SDK1: variants seen among roughly 807,000 people sequenced by gnomAD.
The protein encoded by SDK1 is protein sidekick-1.
SDK1 carries 157 observed loss-of-function variants against 245.5 expected under a neutral mutation model. The ratio of observed to expected loss-of-function variants is 0.64; its 90% CI spans 0.56 to 0.73. The LOEUF (loss-of-function observed/expected upper bound fraction) is 0.73. Among genes scored for constraint, SDK1 ranks in the 30% least tolerant of loss-of-function variants. SDK1 has a pLI of 0.00. For synonymous variants in SDK1, 1,647 were observed against 1,278.5 expected (o/e 1.29, Z -6.15); for missense variants, 3,583 against 3,002.3 (o/e 1.19, Z -4.52).
At chr7:4,140,653 ACTGTGTG>A (rs1322350149) in intron 28 of SDK1, among the ~76,000 whole-genome samples, 1 of 152,152 alleles carries the variant, frequency 6.6e-6, no homozygotes, top group Non-Finnish European at 1.5e-5. Flanking sequence ...TGCCCTGTTT[ACTGTGTG>A]CTCGTGGGCA....
chr7:3,945,798 C>G (rs762655238), intron 5 of SDK1, among the ~76,000 whole-genome samples: 1 of 144,750 alleles, frequency 6.9e-6, no homozygotes, highest in African/African-American at 2.5e-5. Flanking sequence ...ACCCAGGAGG[C>G]TGAGGCAGGA....
At chr7:3,553,999 G>T (rs13307114) in intron 1 of SDK1, among the ~76,000 whole-genome samples, 4 of 152,148 alleles carry the variant, frequency 2.6e-5, no homozygotes, top group Middle Eastern at 3.2e-3. Context: ...TGGAACCATA[G>T]CCCACAAAAG....
chr7:3,748,576 C>T (rs1022140894), intron 4 of SDK1, among the ~76,000 whole-genome samples: 1 of 152,176 alleles, frequency 6.6e-6, no homozygotes, highest in Admixed American at 6.5e-5. Flanking sequence ...TATTCAGTCA[C>T]ATGGATCTGG....
At chr7:4,040,169 G>A (rs1195112521) in intron 17 of SDK1, among the ~76,000 whole-genome samples, 1 of 152,164 alleles carries the variant, frequency 6.6e-6, no homozygotes, top group East Asian at 1.9e-4. Flanking sequence ...GGGTAATGAG[G>A]CGTGTTCTGA....
chr7:3,877,122 G>A (rs1030450271), intron 5 of SDK1, among the ~76,000 whole-genome samples: 1 of 152,148 alleles, frequency 6.6e-6, no homozygotes, highest in Non-Finnish European at 1.5e-5. Flanking sequence ...TACAAATTCT[G>A]GCTAGGAACA....
At chr7:3,550,242 AT>A (rs1270916704) in intron 1 of SDK1, among the ~76,000 whole-genome samples, 2 of 152,172 alleles carry the variant, frequency 1.3e-5, no homozygotes, top group East Asian at 1.9e-4. Flanking sequence ...GAGGCTGCAA[AT>A]TTAGGCATTT....
chr7:3,396,155 C>T (rs1781891395), intron 1 of SDK1, among the ~76,000 whole-genome samples: 1 of 151,602 alleles, frequency 6.6e-6, no homozygotes, highest in Non-Finnish European at 1.5e-5. Flanking sequence ...AGTTGTATTT[C>T]TATTATTCAG....
At chr7:4,054,441 T>C (rs749904632) in intron 19 of SDK1, among the ~76,000 whole-genome samples, 4 of 152,332 alleles carry the variant, frequency 2.6e-5, no homozygotes, top group Non-Finnish European at 4.4e-5. Context: ...TTTTTTTCTC[T>C]TTTGTGCATA....
At chr7:3,768,117 T>A (rs997740754) in intron 4 of SDK1, among the ~76,000 whole-genome samples, 2 of 152,242 alleles carry the variant, frequency 1.3e-5, no homozygotes, top group Admixed American at 1.3e-4. Flanking sequence ...TTAGGGATGG[T>A]CATTAACGTG....
In SDK1 at chr7:4,128,480, C is replaced by T. The variant is rs376247034; in HGVS notation, c.3939+984C>T. On this transcript the variant is annotated intron_variant, in intron 26 of 44. Transcript: ENST00000404826. ...TATCCTTTATGGCCTTCCAGGTCCC[C>T]GATCTCAGGGAGCAGTTCAGAGAAG... Among the ~76,000 whole-genome samples, 113 of 152,352 alleles carry T rather than the reference C, an allele frequency of 7.4e-4. No homozygotes were observed. In the South Asian group the frequency reaches 0.022, roughly 29 times the overall value.
intron 28 of SDK1, among the ~76,000 whole-genome samples, chr7:4,144,826 G>A (rs1029539450): frequency 2.0e-5 from 3 of 152,172 alleles, no homozygotes; most frequent in Non-Finnish European, 4.4e-5. Context: ...CCCCCCGTGC[G>A]TCCTCCCTTG....
intron 1 of SDK1, among the ~76,000 whole-genome samples, chr7:3,421,132 C>T (rs540141619): frequency 2.1e-5 from 3 of 145,246 alleles, no homozygotes; most frequent in African/African-American, 7.8e-5. Flanking sequence ...AGTGCAGTGG[C>T]GTGATCTTGT....
intron 5 of SDK1, among the ~76,000 whole-genome samples, chr7:3,867,231 C>G (rs1401915542): frequency 6.6e-6 from 1 of 151,652 alleles, no homozygotes; most frequent in Non-Finnish European, 1.5e-5. Flanking sequence ...TCAAACTGGC[C>G]AAAGAAAAAA....
intron 4 of SDK1, among the ~76,000 whole-genome samples, chr7:3,672,722 A>G (rs1221876608): frequency 3.9e-5 from 5 of 128,304 alleles, no homozygotes; most frequent in Non-Finnish European, 1.6e-5. Context: ...ATTTATATTA[A>G]ATAAAAATGT....
chr7:3,363,512 T>G (rs1305156798), intron 1 of SDK1, among the ~76,000 whole-genome samples: 5 of 152,214 alleles, frequency 3.3e-5, no homozygotes, highest in Non-Finnish European at 1.5e-5. Context: ...GTTAATTGTA[T>G]GTTTGTTGTT....
At chr7:3,897,035 A>C (rs1781627451) in intron 5 of SDK1, among the ~76,000 whole-genome samples, 1 of 152,110 alleles carries the variant, frequency 6.6e-6, no homozygotes, top group Admixed American at 6.6e-5. Context: ...GAAGAACTGC[A>C]CACTTACCAA....
chr7:3,788,758 G>A (rs371433624), intron 4 of SDK1, among the ~76,000 whole-genome samples: 9 of 152,214 alleles, frequency 5.9e-5, no homozygotes, highest in East Asian at 5.8e-4. Flanking sequence ...CTTGCTTTAA[G>A]TCATTTGTGT....
At chr7:4,141,788 G>T (rs769339316) in intron 28 of SDK1, among the ~76,000 whole-genome samples, 1 of 151,990 alleles carries the variant, frequency 6.6e-6, no homozygotes, top group African/African-American at 2.4e-5. Context: ...ACAGAGTCTC[G>T]CTCAGTCGCC....
intron 4 of SDK1, among the ~76,000 whole-genome samples, chr7:3,688,936 T>G (rs1003329274): frequency 6.6e-6 from 1 of 152,188 alleles, no homozygotes; most frequent in South Asian, 2.1e-4. Context: ...TGATGAATCA[T>G]GATTGCTCTA....
Sources: allele counts gnomAD v4.1 joint callset (sites outside exome capture counted in the v4.1 genomes callset), GRCh38; gene constraint gnomAD v4.1.1; transcripts MANE v1.5; gene names NCBI Gene and HGNC (gene_info 2026-07-23, HGNC 2026-07-21).